The following CAMTA1 variants were observed in gnomAD, a reference collection of about 807,000 sequenced individuals.
CAMTA1 encodes the protein calmodulin binding transcription activator 1, also known as calmodulin-binding transcription activator 1.
Under a neutral mutation model 170.9 loss-of-function variants are expected in CAMTA1, and 27 were observed. The observed-to-expected ratio is 0.16, with a 90% CI of 0.12 to 0.22. The LOEUF (loss-of-function observed/expected upper bound fraction) is 0.22, where lower values mean the gene tolerates loss of function less well. CAMTA1 is among the 10% of genes least tolerant of loss of function. The pLI, the probability that CAMTA1 is intolerant of heterozygous loss-of-function variation, is 1.00. For synonymous variants in CAMTA1, 833 were observed against 891.5 expected (o/e 0.93, Z 1.17); for missense variants, 1,619 against 2,217.2 (o/e 0.73, Z 5.42).
chr1:7,119,956 C>T (rs1014344986), intron 4 of CAMTA1, among the ~76,000 whole-genome samples: 3 of 152,144 alleles, frequency 2.0e-5, no homozygotes, highest in Non-Finnish European at 4.4e-5. Flanking sequence ...CCCCAAGGAA[C>T]CCTCATGAGA....
At chr1:6,844,508 CA>C (rs34365054) in intron 3 of CAMTA1, among the ~76,000 whole-genome samples, 69,081 of 96,368 alleles carry the variant, frequency 0.72, 23,958 homozygotes, top group Admixed American at 0.78. Flanking sequence ...CATTGCATTA[CA>C]AAAAAAAAAA....
chr1:6,790,750 TTTTAA>T (rs991234861), intron 1 of CAMTA1, among the ~76,000 whole-genome samples: 5 of 152,230 alleles, frequency 3.3e-5, no homozygotes, highest in African/African-American at 7.2e-5. Context: ...ATTATATGAC[TTTTAA>T]TTTATGCTTT....
chr1:7,221,515 A>G (rs1660761443), intron 4 of CAMTA1, among the ~76,000 whole-genome samples: 1 of 152,086 alleles, frequency 6.6e-6, no homozygotes, highest in Non-Finnish European at 1.5e-5. Flanking sequence ...GTTCACTGAG[A>G]ATTCTGCAAA....
chr1:7,318,716 C>G (rs905259106), intron 5 of CAMTA1, among the ~76,000 whole-genome samples: 1 of 152,196 alleles, frequency 6.6e-6, no homozygotes, highest in African/African-American at 2.4e-5. Context: ...TCTCTGCAAT[C>G]AGACGAGATT....
At chr1:7,728,894 G>A (rs1410575089) in intron 11 of CAMTA1, among the ~76,000 whole-genome samples, 1 of 152,174 alleles carries the variant, frequency 6.6e-6, no homozygotes, top group Admixed American at 6.5e-5. Flanking sequence ...GAACGGCCGT[G>A]TGCAGGTTAC....
intron 6 of CAMTA1, among the ~76,000 whole-genome samples, chr1:7,506,443 C>T (rs2094110797): frequency 6.6e-6 from 1 of 151,968 alleles, no homozygotes; most frequent in African/African-American, 2.4e-5. Context: ...TCAAAATTCA[C>T]ACTCAAAATT....
chr1:7,061,063 G>A (rs1483530654), intron 3 of CAMTA1, among the ~76,000 whole-genome samples: 1 of 152,188 alleles, frequency 6.6e-6, no homozygotes, highest in East Asian at 1.9e-4. Context: ...AAATCTGACA[G>A]ACTCACCATC....
At chr1:7,165,893 TAGAG>T (rs753816442) in intron 4 of CAMTA1, among the ~76,000 whole-genome samples, 2 of 152,200 alleles carry the variant, frequency 1.3e-5, no homozygotes, top group Non-Finnish European at 2.9e-5. Context: ...AGAGAGATGA[TAGAG>T]AGAGATAGGG....
intron 4 of CAMTA1, among the ~76,000 whole-genome samples, chr1:7,099,791 G>T (rs552504327): frequency 2.0e-5 from 3 of 152,322 alleles, no homozygotes; most frequent in African/African-American, 7.2e-5. Context: ...GGCTGCTGGT[G>T]GTCTGGGAGC....
intron 3 of CAMTA1, among the ~76,000 whole-genome samples, chr1:6,872,820 G>A (rs184705469): frequency 6.6e-6 from 1 of 152,260 alleles, no homozygotes; most frequent in East Asian, 1.9e-4. Flanking sequence ...CTGAAGCACA[G>A]ATTACTTTTT....
At chr1:6,931,681 T>C (rs746467974) in intron 3 of CAMTA1, among the ~76,000 whole-genome samples, 6 of 152,232 alleles carry the variant, frequency 3.9e-5, no homozygotes, top group Non-Finnish European at 7.3e-5. Context: ...TTGCCTACGC[T>C]ACGTGGCTGG....
In CAMTA1 at chr1:6,887,952, G is replaced by T; in HGVS notation, c.234+62742G>T. ...AGCCTGACTGAGCTCTGGAGAGCAGGGCTCTGTGCACACGCCTCCTGGTCC... is the reference window on the plus strand; with the variant it reads ...AGCCTGACTGAGCTCTGGAGAGCAGTGCTCTGTGCACACGCCTCCTGGTCC... On this transcript the variant is annotated intron_variant, in intron 3 of 22. Transcript: ENST00000303635. This position sits in a 1 kb window ranked among gnomAD's most constrained non-coding sequence, Gnocchi z 4.1. 7.7e-7 allele frequency: 1 copy of T among 1,290,450 alleles called. No homozygotes were observed. Among genetic ancestry groups the T allele is most frequent in the Non-Finnish European group, 9.9e-7 (1 of 1,010,276 alleles). 79.9% of individuals were successfully genotyped at this position (1,290,450 alleles called of 1,614,324 possible).
chr1:6,880,935 TAAAC>T (rs1204979488), intron 3 of CAMTA1, among the ~76,000 whole-genome samples: 4 of 152,026 alleles, frequency 2.6e-5, no homozygotes, highest in African/African-American at 7.2e-5. Context: ...TAATAAACAA[TAAAC>T]AAAAACAAAA....
chr1:7,199,870 AAC>A (rs1257141890), intron 4 of CAMTA1, among the ~76,000 whole-genome samples: 6 of 152,194 alleles, frequency 3.9e-5, no homozygotes, highest in Non-Finnish European at 7.3e-5. Context: ...TGAGAAGTAA[AAC>A]ACAGTTATTG....
intron 4 of CAMTA1, among the ~76,000 whole-genome samples, chr1:7,121,418 G>A (rs1644635126): frequency 1.3e-5 from 2 of 152,234 alleles, no homozygotes; most frequent in African/African-American, 4.8e-5. Context: ...TAAGTGAGAT[G>A]TTCCAGTGAA....
chr1:7,715,886 T>G (rs2096606140), intron 11 of CAMTA1, among the ~76,000 whole-genome samples: 2 of 152,232 alleles, frequency 1.3e-5, no homozygotes, highest in South Asian at 4.1e-4. Flanking sequence ...CGGAAGAAGC[T>G]TAATGACTAA....
intron 5 of CAMTA1, among the ~76,000 whole-genome samples, chr1:7,411,003 A>G (rs912187301): frequency 6.6e-6 from 1 of 151,300 alleles, no homozygotes; most frequent in Non-Finnish European, 1.5e-5. Flanking sequence ...ATGTGTGTGT[A>G]TGTCTGTGTG....
intron 3 of CAMTA1, among the ~76,000 whole-genome samples, chr1:6,935,613 G>A (rs571683308): frequency 6.7e-4 from 102 of 152,290 alleles, no homozygotes; most frequent in African/African-American, 2.0e-3. Flanking sequence ...TATTCTGTGC[G>A]CCTGCTTTAA....
chr1:6,854,364 G>C (rs942378201), intron 3 of CAMTA1, among the ~76,000 whole-genome samples: 1 of 152,178 alleles, frequency 6.6e-6, no homozygotes, highest in Admixed American at 6.5e-5. Flanking sequence ...TAGGAATGTG[G>C]AAGGTTGTAC....
Sources: gnomAD v4.1 joint callset for allele counts (sites outside exome capture counted in the v4.1 genomes callset) on GRCh38, gnomAD v4.1.1 for gene constraint, Gnocchi (gnomAD v3.1) non-coding constraint, MANE v1.5 for transcripts, NCBI Gene and HGNC (gene_info 2026-07-23, HGNC 2026-07-21) for gene names.